CDC14A: variants seen among roughly 807,000 people sequenced by gnomAD.
The protein encoded by CDC14A is dual specificity protein phosphatase CDC14A.
CDC14A carries 53 observed loss-of-function variants against 74.4 expected under a neutral mutation model. That is an observed-to-expected ratio of 0.71 (90% CI 0.57 to 0.89). CDC14A has a LOEUF of 0.89. Ranked by LOEUF, CDC14A falls within the 40% of genes least tolerant of loss-of-function variation. The pLI is 0.00. For synonymous variants in CDC14A, 247 were observed against 258.4 expected (o/e 0.96, Z 0.43); for missense variants, 646 against 713.7 (o/e 0.91, Z 1.08).
Position 100,499,004 on chromosome 1 carries a change from G to T in CDC14A, c.1497G>T (p.Lys499Asn). 4 of 1,614,118 alleles carry T rather than the reference G, an allele frequency of 2.5e-6. No homozygotes were observed. The South Asian group carries it at 4.4e-5, about 18-fold the overall frequency. ...CAACAGATGATCCAGAGAACAAAAA[G>T]ACCTCCTCATCCTCTAAGGCAGGCT... is the stretch of plus-strand genomic sequence containing the variant. Reference protein sequence around the residue: ...NAATDDPENKKTSSSSKAGFT... With the variant: ...NAATDDPENKNTSSSSKAGFT... Residue 499 changes from lysine (K) to asparagine (N), a missense_variant, in exon 15 of 16, where the codon AAG becomes AAT. Physicochemically the swap from Lys to Asn is moderately conservative, Grantham distance 94. Coordinates refer to ENST00000336454, the MANE Select transcript of CDC14A (RefSeq NM_003672.4).
intron 2 of CDC14A, among the ~76,000 whole-genome samples, chr1:100,365,438 G>C (rs557313974): frequency 6.6e-6 from 1 of 152,226 alleles, no homozygotes; most frequent in Non-Finnish European, 1.5e-5. Flanking sequence ...CTATATAGCG[G>C]CTAGAACTGT....
chr1:100,465,233 G>C (rs1667686429), intron 9 of CDC14A, among the ~76,000 whole-genome samples: 1 of 152,136 alleles, frequency 6.6e-6, no homozygotes, highest in South Asian at 2.1e-4. Context: ...AAAGTGCGGG[G>C]ATTACAGGTG....
rs1027107261 is a variant in CDC14A at position 100,508,077 on chromosome 1, T to G, written c.1755+8815T>G. ...CAGTTCCTAAGCTCTAGCTGTATTC[T>G]GATTGAATTCCTCCTATTATTTTCA... On this transcript the variant is annotated intron_variant, in intron 15 of 15. Transcript: ENST00000336454. The surrounding 1 kb of genome is among the most constrained non-coding windows in gnomAD (Gnocchi z 4.4). 3.3e-5 allele frequency among the ~76,000 whole-genome samples: 5 copies of G among 152,204 alleles called. No homozygotes were observed. Among genetic ancestry groups the G allele is most frequent in the Non-Finnish European group, 7.4e-5 (5 of 68,026 alleles).
intron 5 of CDC14A, among the ~76,000 whole-genome samples, chr1:100,439,167 C>T (rs1488699629): frequency 6.6e-6 from 1 of 152,166 alleles, no homozygotes; most frequent in East Asian, 1.9e-4. Flanking sequence ...CGGTAGGTTC[C>T]CACTCCTTTT....
chr1:100,390,697 T>C (rs1657576414), intron 3 of CDC14A, 35 bp from the exon 4 acceptor site: 2 of 1,345,312 alleles, frequency 1.5e-6, no homozygotes, highest in Admixed American at 1.7e-5. Flanking sequence ...TTTGTCTCTA[T>C]GGTTACACTA....
At chr1:100,503,023 G>T (rs1203170592) in intron 15 of CDC14A, among the ~76,000 whole-genome samples, 1 of 152,152 alleles carries the variant, frequency 6.6e-6, no homozygotes, top group African/African-American at 2.4e-5. Flanking sequence ...AGAAGCAGCA[G>T]GTCTTTGTAG....
rs114096690 is a variant in CDC14A, at chr1:100,359,425, C to T, written c.140+5573C>T. 7.8e-3 allele frequency among the ~76,000 whole-genome samples: 1,189 copies of T among 152,218 alleles called. 13 individuals are homozygous for T. Among genetic ancestry groups the T allele is most frequent in the African/African-American group, 0.027 (1,111 of 41,520 alleles). ...TTTCCCAGTTGGCCTGAGACTGATG[C>T]CAATGGGGAGGGTATGGGACAACTT... On this transcript the variant is annotated intron_variant, in intron 2 of 15. Transcript: ENST00000336454.
intron 2 of CDC14A, among the ~76,000 whole-genome samples, chr1:100,359,035 G>T (rs902856505): frequency 2.0e-5 from 3 of 152,162 alleles, no homozygotes; most frequent in African/African-American, 7.2e-5. Context: ...GAGCCTTACG[G>T]TCATCATTTA....
At chr1:100,464,397 T>A (rs1667598631) in intron 9 of CDC14A, among the ~76,000 whole-genome samples, 1 of 152,228 alleles carries the variant, frequency 6.6e-6, no homozygotes, top group South Asian at 2.1e-4. Context: ...GGTGCCAGTG[T>A]GTTGGCTTGT....
chr1:100,437,218 G>A (rs992052024), intron 5 of CDC14A, among the ~76,000 whole-genome samples: 2 of 152,040 alleles, frequency 1.3e-5, no homozygotes, highest in Non-Finnish European at 2.9e-5. Flanking sequence ...AGTGGGGTTC[G>A]GTAGATGCAT....
intron 3 of CDC14A, among the ~76,000 whole-genome samples, chr1:100,379,821 G>T (rs75885902): frequency 6.6e-6 from 1 of 152,302 alleles, no homozygotes; most frequent in African/African-American, 2.4e-5. Context: ...AAGGGGAACA[G>T]TCATGTCATA....
At chr1:100,461,392 A>C (rs1037007324) in intron 8 of CDC14A, among the ~76,000 whole-genome samples, 7 of 152,238 alleles carry the variant, frequency 4.6e-5, no homozygotes, top group Non-Finnish European at 8.8e-5. Flanking sequence ...CCAAGGCAGC[A>C]AGAAATACAG....
At chr1:100,351,609 CCT>C (rs72060017), upstream of CDC14A, 103,761 of 675,466 alleles carry the variant, frequency 0.15, 9,222 homozygotes, top group Non-Finnish European at 0.18. Context: ...AGTGGACTCT[CCT>C]CTCTCTCCTG....
chr1:100,359,325 A>G (rs952363220), intron 2 of CDC14A, among the ~76,000 whole-genome samples: 11 of 152,218 alleles, frequency 7.2e-5, no homozygotes, highest in African/African-American at 2.7e-4. Context: ...AGGGAAGTAT[A>G]TTGCCTAAGG....
At chr1:100,377,477 T>G in intron 2 of CDC14A, 69 bp from the exon 3 acceptor site, 1 of 959,176 alleles carries the variant, frequency 1.0e-6, no homozygotes, top group Admixed American at 2.0e-5. Flanking sequence ...AAATTAAAGA[T>G]GAACATTGAT....
intron 7 of CDC14A, among the ~76,000 whole-genome samples, chr1:100,447,787 C>T (rs543573272): frequency 5.3e-5 from 8 of 152,130 alleles, no homozygotes; most frequent in Non-Finnish European, 1.0e-4. Flanking sequence ...GGAAGTGGCA[C>T]CCATATACAG....
chr1:100,377,700 C>A, intron 3 of CDC14A, 79 bp downstream of exon 3: 1 of 1,017,440 alleles, frequency 9.8e-7, no homozygotes, highest in Non-Finnish European at 1.5e-6. Flanking sequence ...TTGGTGTGCA[C>A]AAAACATTTA....
chr1:100,351,051 G>A (rs181013295), upstream of CDC14A, among the ~76,000 whole-genome samples: 442 of 152,190 alleles, frequency 2.9e-3, 6 homozygotes, highest in Non-Finnish European at 2.6e-3. Flanking sequence ...AAAATTAGCC[G>A]GGTGTGGTGG....
chr1:100,402,153 C>T (rs956529080), intron 4 of CDC14A, among the ~76,000 whole-genome samples: 3 of 148,296 alleles, frequency 2.0e-5, no homozygotes, highest in African/African-American at 7.4e-5. Flanking sequence ...AAAAAAAAAT[C>T]GGAAAGGAGG....
Sources: gnomAD v4.1 joint callset for allele counts (sites outside exome capture counted in the v4.1 genomes callset) on GRCh38, gnomAD v4.1.1 for gene constraint, Gnocchi (gnomAD v3.1) non-coding constraint, MANE v1.5 for transcripts, NCBI Gene and HGNC (gene_info 2026-07-23, HGNC 2026-07-21) for gene names.